Variants in NTRK3 observed in about 807,000 individuals in gnomAD.
The protein encoded by NTRK3 is neurotrophic receptor tyrosine kinase 3, also known as NT-3 growth factor receptor.
Under a neutral mutation model 91.7 loss-of-function variants are expected in NTRK3, and 24 were observed. The ratio of observed to expected loss-of-function variants is 0.26; its 90% confidence interval spans 0.19 to 0.37. The LOEUF (loss-of-function observed/expected upper bound fraction) is 0.37. Ranked by LOEUF, NTRK3 falls within the 10% of genes least tolerant of loss-of-function variation. The probability of loss-of-function intolerance (pLI) is 1.00; values close to 1 mark genes in which losing one functional copy is unlikely to be tolerated. For synonymous variants in NTRK3, 483 were observed against 404.0 expected, an observed-to-expected ratio of 1.20 and a Z score of -2.34; for missense variants, 880 against 1,068.9, an observed-to-expected ratio of 0.82 and a Z score of 2.46.
intron 13 of NTRK3, among the ~76,000 whole-genome samples, chr15:88,088,154 G>C (rs969563485): frequency 6.6e-6 from 1 of 152,194 alleles, no homozygotes; most frequent in African/African-American, 2.4e-5. Flanking sequence ...TCTTGAATAA[G>C]TCATGAAACC....
chr15:88,177,882 G>T (rs554657329), intron 5 of NTRK3, among the ~76,000 whole-genome samples: 1 of 152,134 alleles, frequency 6.6e-6, no homozygotes, highest in East Asian at 1.9e-4. Flanking sequence ...CTTTCCAGAC[G>T]TTGTCTTATT....
chr15:88,038,410 G>A (rs2079266928), intron 13 of NTRK3, among the ~76,000 whole-genome samples: 1 of 152,204 alleles, frequency 6.6e-6, no homozygotes, highest in South Asian at 2.1e-4. Context: ...GTAAGAGGAA[G>A]CCTCTGCAAC....
rs1048916657 is a variant in NTRK3, at chr15:88,234,983, C to T, written c.248+20923G>A. Among the ~76,000 whole-genome samples, 2 of 152,148 alleles carry T rather than the reference C, an allele frequency of 1.3e-5. No homozygotes were observed. The highest frequency in any genetic ancestry group is 2.9e-5 in the Non-Finnish European group (2 of 68,042). ...CCCTGGGCCTGGAAACTTCTGGCTC[C>T]AGTTCTCATGAAGCTCTGACTGTCT... On this transcript the variant is annotated intron_variant, in intron 3 of 18. Coordinates refer to ENST00000394480, the Ensembl canonical transcript of NTRK3. This position sits in a 1 kb window ranked among gnomAD's most constrained non-coding sequence, Gnocchi z 6.1.
At chr15:87,990,127 A>G (rs960710838) in intron 14 of NTRK3, among the ~76,000 whole-genome samples, 5 of 152,268 alleles carry the variant, frequency 3.3e-5, no homozygotes, top group East Asian at 1.9e-4. Flanking sequence ...GTAGAGTACA[A>G]CAGTCTTCAG....
chr15:88,128,374 A>G (rs989791680), intron 11 of NTRK3, among the ~76,000 whole-genome samples: 1 of 152,182 alleles, frequency 6.6e-6, no homozygotes, highest in Admixed American at 6.5e-5. Context: ...TGCAAGAACA[A>G]CTAAGATGAT....
At chr15:88,106,523 C>T (rs767982824) in intron 13 of NTRK3, among the ~76,000 whole-genome samples, 1 of 152,132 alleles carries the variant, frequency 6.6e-6, no homozygotes, top group Non-Finnish European at 1.5e-5. Flanking sequence ...AAGCTAGAGA[C>T]AGGGTTACTG....
chr15:88,017,109 G>C (rs774614056), intron 14 of NTRK3, among the ~76,000 whole-genome samples: 2 of 152,122 alleles, frequency 1.3e-5, no homozygotes, highest in Non-Finnish European at 2.9e-5. Context: ...AGGCATTTTA[G>C]GTTTCTGATA....
chr15:87,899,577 G>A (rs1442354479), intron 17 of NTRK3, among the ~76,000 whole-genome samples: 1 of 152,056 alleles, frequency 6.6e-6, no homozygotes, highest in Admixed American at 6.6e-5. Context: ...CGAGCCTTTG[G>A]GCCCCCCTTT....
chr15:88,157,464 C>A (rs772733103), intron 5 of NTRK3, among the ~76,000 whole-genome samples: 7 of 152,108 alleles, frequency 4.6e-5, no homozygotes, highest in Non-Finnish European at 8.8e-5. Flanking sequence ...GCCCATCCTG[C>A]CCTGGCCTCT....
At chr15:88,256,129 T>C (rs1368927294) in exon 3 of NTRK3, 3 of 1,535,690 alleles carry the variant, frequency 2.0e-6, no homozygotes, top group Non-Finnish European at 2.6e-6. Flanking sequence ...AAACTACACT[T>C]GGCTGGGCAA....
At chr15:87,925,271 C>G (rs926574284) in intron 17 of NTRK3, among the ~76,000 whole-genome samples, 1 of 152,106 alleles carries the variant, frequency 6.6e-6, no homozygotes, top group Non-Finnish European at 1.5e-5. Context: ...GGCAGTTCAC[C>G]TTTGTAAATC....
intron 5 of NTRK3, among the ~76,000 whole-genome samples, chr15:88,148,383 G>A (rs2043074151): frequency 6.6e-6 from 1 of 152,200 alleles, no homozygotes; most frequent in South Asian, 2.1e-4. Flanking sequence ...AGTTACAGAT[G>A]AATAAGCAGA....
At chr15:87,947,741 G>A (rs745778629) in intron 14 of NTRK3, among the ~76,000 whole-genome samples, 12 of 152,158 alleles carry the variant, frequency 7.9e-5, no homozygotes, top group Admixed American at 6.5e-4. Flanking sequence ...TGTGAGAAGC[G>A]TGTGTTTTCT....
intron 3 of NTRK3, among the ~76,000 whole-genome samples, chr15:88,193,011 A>G (rs1285043692): frequency 6.6e-6 from 1 of 152,176 alleles, no homozygotes; most frequent in African/African-American, 2.4e-5. Flanking sequence ...ACCATAATGC[A>G]TGAGAACAGA....
chr15:88,121,880 T>C (rs558337903), intron 13 of NTRK3, among the ~76,000 whole-genome samples: 1 of 152,328 alleles, frequency 6.6e-6, no homozygotes, highest in African/African-American at 2.4e-5. Flanking sequence ...TTAAAACCTT[T>C]GTGATTCCAA....
intron 17 of NTRK3, chr15:87,916,457 C>T (rs1013748839): frequency 7.1e-5 from 50 of 699,566 alleles, no homozygotes; most frequent in Non-Finnish European, 1.0e-4. Flanking sequence ...TCTCCTTTCC[C>T]GAGGACAGAA....
intron 3 of NTRK3, among the ~76,000 whole-genome samples, chr15:88,191,814 TG>T (rs1404998883): frequency 1.3e-5 from 2 of 152,266 alleles, no homozygotes; most frequent in Admixed American, 6.5e-5. Context: ...TCAAGGGGGC[TG>T]GGAAGGAGCG....
intron 5 of NTRK3, among the ~76,000 whole-genome samples, chr15:88,163,431 T>G (rs2044648165): frequency 6.6e-6 from 1 of 152,152 alleles, no homozygotes; most frequent in African/African-American, 2.4e-5. Flanking sequence ...GACCACCACC[T>G]CCAGACCACT....
At chr15:88,202,682 C>T (rs1383098348) in intron 3 of NTRK3, among the ~76,000 whole-genome samples, 1 of 152,180 alleles carries the variant, frequency 6.6e-6, no homozygotes, top group Non-Finnish European at 1.5e-5. Flanking sequence ...ATCTCCTCAC[C>T]ATGACCTGTG....
Sources: allele counts gnomAD v4.1 joint callset (sites outside exome capture counted in the v4.1 genomes callset), GRCh38; gene constraint gnomAD v4.1.1; non-coding constraint Gnocchi (gnomAD v3.1); transcripts MANE v1.5; gene names NCBI Gene and HGNC (gene_info 2026-07-23, HGNC 2026-07-21).